Variants in ERBB4 observed in about 807,000 individuals in gnomAD.
The protein encoded by ERBB4 is erb-b2 receptor tyrosine kinase 4, also known as receptor tyrosine-protein kinase erbB-4.
A neutral mutation model predicts 158.0 loss-of-function variants in ERBB4; 42 were observed. That is an observed-to-expected ratio of 0.27 (90% CI 0.21 to 0.34). The LOEUF (loss-of-function observed/expected upper bound fraction) is 0.34, where lower values mean the gene tolerates loss of function less well. ERBB4 is among the 10% of genes least tolerant of loss of function. The pLI is 1.00. For synonymous variants in ERBB4, 583 were observed against 558.7 expected (o/e 1.04, Z -0.61); for missense variants, 1,333 against 1,624.1 (o/e 0.82, Z 3.08).
At chr2:211,508,942 C>CAA (rs1251868559) in intron 20 of ERBB4, among the ~76,000 whole-genome samples, 1 of 130,478 alleles carries the variant, frequency 7.7e-6, no homozygotes, top group African/African-American at 2.9e-5. Flanking sequence ...AACAAACAAA[C>CAA]AAAAAAACAA....
chr2:211,999,336 G>T lies in ERBB4; in HGVS notation c.235-51720C>A, dbSNP rs1915708. On this transcript the variant is annotated intron_variant, in intron 2 of 27. Transcript: ENST00000342788. ...CAATTTTTTGCCAGTTCTCATATTT[G>T]CATTTTTAGAATTCATGCTCTTGGG... Among the ~76,000 whole-genome samples the T allele has an allele frequency of 4.5e-3, 683 of 151,716 alleles. 9 individuals are homozygous for T. The highest frequency in any genetic ancestry group is 0.032 in the Admixed American group (485 of 15,220).
At chr2:211,961,976 T>G (rs1433052289) in intron 2 of ERBB4, among the ~76,000 whole-genome samples, 1 of 152,032 alleles carries the variant, frequency 6.6e-6, no homozygotes, top group Non-Finnish European at 1.5e-5. Flanking sequence ...TCTATACAAG[T>G]AAGAATGGTG....
chr2:211,550,454 G>C (rs1199036693), intron 20 of ERBB4, among the ~76,000 whole-genome samples: 2 of 151,294 alleles, frequency 1.3e-5, no homozygotes, highest in East Asian at 3.9e-4. Context: ...AGGAAATGAC[G>C]AGGAAAATTT....
chr2:211,775,847 A>G (rs575765885), intron 4 of ERBB4, among the ~76,000 whole-genome samples: 7 of 152,262 alleles, frequency 4.6e-5, no homozygotes, highest in African/African-American at 1.7e-4. Flanking sequence ...ATTTCTTGCC[A>G]CCTCACGGGT....
At chr2:211,502,667 T>A (rs1042062459) in intron 20 of ERBB4, among the ~76,000 whole-genome samples, 5 of 152,158 alleles carry the variant, frequency 3.3e-5, no homozygotes, top group African/African-American at 1.2e-4. Flanking sequence ...ATTAGATTCA[T>A]GAAAATGTAT....
chr2:212,454,462 C>T (rs1177250968), intron 1 of ERBB4, among the ~76,000 whole-genome samples: 1 of 152,136 alleles, frequency 6.6e-6, no homozygotes, highest in Non-Finnish European at 1.5e-5. Flanking sequence ...TGATATATTT[C>T]AGAGGAGAGT....
At chr2:211,552,417 A>T (rs916883660) in intron 20 of ERBB4, among the ~76,000 whole-genome samples, 11 of 152,204 alleles carry the variant, frequency 7.2e-5, no homozygotes, top group African/African-American at 2.2e-4. Context: ...TAAATTTTTT[A>T]AAATTTTTTT....
At chr2:211,946,228 T>C (rs2080686320) in intron 3 of ERBB4, among the ~76,000 whole-genome samples, 2 of 152,068 alleles carry the variant, frequency 1.3e-5, no homozygotes, top group Non-Finnish European at 2.9e-5. Context: ...ACAATCAGTA[T>C]TCCTTTCTTC....
intron 17 of ERBB4, among the ~76,000 whole-genome samples, chr2:211,625,993 A>T (rs1342964959): frequency 6.6e-6 from 1 of 152,200 alleles, no homozygotes; most frequent in African/African-American, 2.4e-5. Context: ...ATCATTTAAT[A>T]TATTTTACAG....
chr2:212,020,878 T>TA (rs1454257922), intron 2 of ERBB4, among the ~76,000 whole-genome samples: 1 of 152,130 alleles, frequency 6.6e-6, no homozygotes, highest in Non-Finnish European at 1.5e-5. Context: ...CACTTATTAC[T>TA]AAACAGGTTT....
At chr2:211,800,730 A>G (rs955890181) in intron 3 of ERBB4, among the ~76,000 whole-genome samples, 3 of 151,364 alleles carry the variant, frequency 2.0e-5, no homozygotes, top group Non-Finnish European at 2.9e-5. Flanking sequence ...TCGTCTCTTG[A>G]GGTGCGTTTC....
Position 211,947,458 on chromosome 2 carries a change from A to G in ERBB4, c.393T>C (p.Leu131=). 6.2e-7 allele frequency: 1 copy of G among 1,613,838 alleles called. No individual in the cohort carries two copies. The highest frequency in any genetic ancestry group is 8.5e-7 in the Non-Finnish European group (1 of 1,179,860). ...TCAAGTTCTTTAATCCAAGTTCTTG[A>G]AGTCCAAAGTTTCCATCTTTTCTGT... ...LNYRKDGNFG[L]QELGLKNLTE... The change falls in exon 3 of 28, where the codon CTT becomes CTC. Residue 131 remains leucine, a synonymous_variant. Coordinates refer to ENST00000342788, the MANE Select transcript of ERBB4 (RefSeq NM_005235.3).
rs565188362 is a variant in ERBB4, at chr2:211,589,051, A to G, written c.2302-26963T>C. Among the ~76,000 whole-genome samples the G allele has an allele frequency of 1.4e-3, 207 of 152,310 alleles. 1 individual carries two copies. Among genetic ancestry groups the G allele is most frequent in the Admixed American group, 5.8e-3 (89 of 15,298 alleles). The stretch of plus-strand genomic sequence containing the variant: ...AACTGTGTTCAAATCCTGAAAATCT[A>G]TAATTGCAATCTGAGCTTTAAAATT... On this transcript the variant is annotated intron_variant, in intron 19 of 27. Transcript: ENST00000342788.
At chr2:212,288,850 A>C (rs1011377194) in intron 1 of ERBB4, among the ~76,000 whole-genome samples, 4 of 152,150 alleles carry the variant, frequency 2.6e-5, no homozygotes, top group African/African-American at 9.6e-5. Flanking sequence ...GTTTATTTCC[A>C]ATTTGTATCT....
chr2:212,230,703 T>A (rs1378189005), intron 1 of ERBB4, among the ~76,000 whole-genome samples: 1 of 152,192 alleles, frequency 6.6e-6, no homozygotes, highest in East Asian at 1.9e-4. Flanking sequence ...TCATACTACT[T>A]ATTCAGGTTA....
chr2:211,857,294 A>T (rs1005856060), intron 3 of ERBB4, among the ~76,000 whole-genome samples: 1 of 152,152 alleles, frequency 6.6e-6, no homozygotes, highest in Non-Finnish European at 1.5e-5. Flanking sequence ...TCCTCCAATT[A>T]AAAGAAAAAA....
chr2:212,082,119 G>A (rs988986592), intron 2 of ERBB4, among the ~76,000 whole-genome samples: 6 of 152,072 alleles, frequency 3.9e-5, no homozygotes, highest in African/African-American at 1.4e-4. Flanking sequence ...GAACCATTGT[G>A]AGTCCCACTA....
intron 3 of ERBB4, among the ~76,000 whole-genome samples, chr2:211,796,289 T>C (rs2076381363): frequency 2.6e-5 from 4 of 152,048 alleles, no homozygotes. Flanking sequence ...TTGCTCGATA[T>C]TATGTTTGTG....
intron 3 of ERBB4, among the ~76,000 whole-genome samples, chr2:211,857,482 A>G (rs2077901241): frequency 1.3e-5 from 2 of 149,424 alleles, no homozygotes; most frequent in African/African-American, 5.1e-5. Context: ...CTCTTGCTCA[A>G]ATAACTTGAA....
Sources: allele counts gnomAD v4.1 joint callset (sites outside exome capture counted in the v4.1 genomes callset), GRCh38; gene constraint gnomAD v4.1.1; transcripts MANE v1.5; gene names NCBI Gene and HGNC (gene_info 2026-07-23, HGNC 2026-07-21).